The following TRPM7 variants were observed in gnomAD, a reference collection of about 807,000 sequenced individuals.
TRPM7 encodes LTRPC ion channel family member 7.
TRPM7 carries 134 observed loss-of-function variants against 229.7 expected under a neutral mutation model. That is an observed-to-expected ratio of 0.58 (90% CI 0.51 to 0.67). The LOEUF (loss-of-function observed/expected upper bound fraction) is 0.67, where lower values mean the gene tolerates loss of function less well. Ranked by LOEUF, TRPM7 falls within the 30% of genes least tolerant of loss-of-function variation. TRPM7 has a pLI of 0.00. For synonymous variants in TRPM7, 699 were observed against 715.2 expected (o/e 0.98, Z 0.36); for missense variants, 1,901 against 2,210.0 (o/e 0.86, Z 2.80).
intron 31 of TRPM7, among the ~76,000 whole-genome samples, chr15:50,578,402 G>A (rs1350770515): frequency 6.6e-6 from 1 of 152,184 alleles, no homozygotes; most frequent in African/African-American, 2.4e-5. Flanking sequence ...CTGTATAGCA[G>A]AGACCAAGTA....
chr15:50,611,421 C>T (rs1201311951), intron 16 of TRPM7, 100 bp from the exon 17 acceptor site: 2 of 850,040 alleles, frequency 2.4e-6, no homozygotes, highest in East Asian at 5.3e-5. Context: ...TTAATATTCT[C>T]ACACACACTT....
intron 1 of TRPM7, among the ~76,000 whole-genome samples, chr15:50,680,500 C>T (rs1596355987): frequency 6.6e-6 from 1 of 151,290 alleles, no homozygotes; most frequent in Non-Finnish European, 1.5e-5. Context: ...ACCCGGGAGG[C>T]GGAGTCTGCA....
At chr15:50,619,630 CTG>C (rs2060330829) in intron 13 of TRPM7, 113 bp downstream of exon 13, 1 of 890,896 alleles carries the variant, frequency 1.1e-6, no homozygotes, top group Non-Finnish European at 1.7e-6. Flanking sequence ...GTTCTGTAAA[CTG>C]TAATTTTATT....
In TRPM7 at chr15:50,611,144, T is replaced by C. The variant is rs2060052708; in HGVS notation, c.2229A>G (p.Leu743=). ...FVAHTCTQML[L]SDMWMGRLNM... ...TCAGCCTTCCCATCCACATATCAGA[T>C]AACAACATTTGTGTACAGGTGTGAG... The change falls in exon 17 of 39, where the codon TTA becomes TTG. Residue 743 remains leucine, a synonymous_variant. Transcript: ENST00000646667. 6.2e-7 allele frequency: 1 copy of C among 1,613,950 alleles called. No homozygotes were observed. Among genetic ancestry groups the C allele is most frequent in the Non-Finnish European group, 8.5e-7 (1 of 1,179,898 alleles).
chr15:50,614,218 G>A lies in TRPM7; in HGVS notation c.1540C>T (p.Leu514Phe), dbSNP rs2060148714. Residue 514 changes from leucine to phenylalanine, a missense_variant, in exon 14 of 39, where the codon CTT (leucine) becomes TTT (phenylalanine). By Grantham distance (22) the Leu-to-Phe change is conservative. Transcript: ENST00000646667. ...CCTCCCATGAGATATTCAATAACAA[G>A]TCCTATATCAATCAGAGTGATCTTA... ...GYKITLIDIG[L>F]VIEYLMGGTY... The A allele has an allele frequency of 3.7e-6, 6 of 1,611,534 alleles. No individual in the cohort carries two copies. The highest frequency in any genetic ancestry group is 5.1e-6 in the Non-Finnish European group (6 of 1,178,868).
chr15:50,578,555 T>C (rs2054247836), intron 31 of TRPM7, 84 bp downstream of exon 31: 7 of 1,375,368 alleles, frequency 5.1e-6, no homozygotes, highest in Non-Finnish European at 7.2e-6. Context: ...CTAAAATATC[T>C]TACCTAGAAT....
At chr15:50,679,526 ATATATATATATATTTTT>A (rs1567129375) in intron 1 of TRPM7, among the ~76,000 whole-genome samples, 3 of 46,196 alleles carry the variant, frequency 6.5e-5, no homozygotes, top group African/African-American at 3.4e-4. Context: ...ATATATATAT[ATATATATATATATTTTT>A]TTTTTTTTTT....
At chr15:50,566,249 TAAACA>T (rs2053593279) in intron 38 of TRPM7, among the ~76,000 whole-genome samples, 1 of 152,126 alleles carries the variant, frequency 6.6e-6, no homozygotes, top group Admixed American at 6.6e-5. Context: ...ATTTAAGAAC[TAAACA>T]AGACAATCCA....
intron 13 of TRPM7, among the ~76,000 whole-genome samples, chr15:50,619,122 G>C (rs1486020886): frequency 6.6e-6 from 1 of 151,270 alleles, no homozygotes; most frequent in Non-Finnish European, 1.5e-5. Flanking sequence ...GAAGATAGAG[G>C]AAAAAAGATA....
chr15:50,611,478 A>C (rs1406849977), intron 16 of TRPM7, among the ~76,000 whole-genome samples, 157 bp from the exon 17 acceptor site: 4 of 152,224 alleles, frequency 2.6e-5, no homozygotes, highest in Non-Finnish European at 5.9e-5. Context: ...TCAGACATCT[A>C]CATCTATGTG....
Position 50,613,840 on chromosome 15 carries a change from C to T in TRPM7, c.1637G>A (p.Arg546Lys). The change falls in exon 15 of 39, where the codon AGG becomes AAG. Residue 546 changes from arginine (R) to lysine (K), a missense_variant and splice_region_variant. Around this residue, in one of 8 missense-constraint regions of TRPM7, gnomAD observed 794 missense variants for 881.9 expected, o/e 0.90. Coordinates refer to ENST00000646667, the MANE Select transcript of TRPM7 (RefSeq NM_017672.6). ...IYNSLGGNNR[R>K]SGRNTSSSTP... is the part of the protein sequence containing the mutation. The stretch of plus-strand genomic sequence containing the variant: ...GCTGCTGGAGGTATTTCGGCCAGAC[C>T]TCTGAAAATGAGATCTTATTAGCTT... 6.2e-7 allele frequency: 1 copy of T among 1,605,696 alleles called. No individual in the cohort carries two copies. Among genetic ancestry groups the T allele is most frequent in the South Asian group, 1.1e-5 (1 of 88,672 alleles).
Position 50,586,487 on chromosome 15 carries a change from T to G in TRPM7, c.4391A>C (p.Asn1464Thr). 1 of 1,598,998 alleles carries G rather than the reference T, an allele frequency of 6.3e-7. No homozygotes were observed. The highest frequency in any genetic ancestry group is 8.6e-7 in the Non-Finnish European group (1 of 1,166,824). Residue 1464 changes from asparagine (N) to threonine (T), a missense_variant and splice_region_variant, in exon 28 of 39, where the codon AAT (asparagine) becomes ACT (threonine). Coordinates refer to ENST00000646667, the MANE Select transcript of TRPM7 (RefSeq NM_017672.6). ...ETSNKIKILS[N>T]NNTSENTLKR... ...CAAAGTGTTTTCAGAAGTATTGTTA[T>G]TCTGCAAATATTGTGCAGACATATA...
In TRPM7 at chr15:50,569,846, C is replaced by T. The variant is rs114188943; in HGVS notation, c.5467+41G>A. The T allele has an allele frequency of 3.3e-4, 459 of 1,371,594 alleles. 1 individual carries two copies. In the African/African-American group the frequency reaches 4.9e-3, roughly 15 times the overall value. 85.0% of individuals were successfully genotyped at this position (1,371,594 alleles called of 1,614,324 possible). A position where few individuals can be genotyped will look rare whatever the true frequency, so the allele number is the denominator to read the frequency against. ...ATGAGGTATTGTAGTAACCAAGTTT[C>T]GTAACAATTTATATACTATACTGAT... On this transcript the variant is annotated intron_variant, in intron 38 of 38. Transcript: ENST00000646667.
chr15:50,673,380 C>A (rs190057259), intron 1 of TRPM7, among the ~76,000 whole-genome samples: 55 of 152,250 alleles, frequency 3.6e-4, no homozygotes, highest in Admixed American at 2.8e-3. Context: ...CCGACCGGTA[C>A]ACACTGCACC....
At chr15:50,561,888 T>A in intron 38 of TRPM7, 80 bp from the exon 39 acceptor site, 1 of 1,335,654 alleles carries the variant, frequency 7.5e-7, no homozygotes, top group Non-Finnish European at 1.0e-6. Flanking sequence ...AAATGGAGAA[T>A]TAGGAACCTT....
In TRPM7 at chr15:50,686,641, C is replaced by T; in HGVS notation, c.-108G>A. The T allele has an allele frequency of 6.7e-7, 1 of 1,490,176 alleles. No individual in the cohort carries two copies. Among genetic ancestry groups the T allele is most frequent in the Non-Finnish European group, 9.0e-7 (1 of 1,107,202 alleles). The allele number at this position is 1,490,176 out of a possible 1,614,324, so 92.3% of individuals were successfully genotyped here. On this transcript the variant is annotated 5_prime_UTR_variant, in exon 1 of 39. Transcript: ENST00000646667. Reference sequence around the variant, plus strand: ...CTCCGGAGGCGGCAGCAGAGGCCGCCGGACAAGGAACGCCCAGGGAAACCT... The same window carrying T: ...CTCCGGAGGCGGCAGCAGAGGCCGCTGGACAAGGAACGCCCAGGGAAACCT...
rs752620314 is a variant in TRPM7, at chr15:50,575,889, T to C, written c.4649A>G (p.Asp1550Gly). ...GLTSPFKPAMDTNYYYSAVER... is the reference protein window; with the variant it reads ...GLTSPFKPAMGTNYYYSAVER... The stretch of plus-strand genomic sequence containing the variant: ...CTGACCTGAATAATAGTAATTTGTA[T>C]CCATAGCTGGCTTAAATGGAGAAGT... The change falls in exon 32 of 39, where the codon GAT (aspartate) becomes GGT (glycine). Residue 1550 changes from aspartate (D) to glycine (G), a missense_variant. Coordinates refer to ENST00000646667, the MANE Select transcript of TRPM7 (RefSeq NM_017672.6). 2 of 1,613,468 alleles carry C rather than the reference T, an allele frequency of 1.2e-6. No individual in the cohort carries two copies. Among genetic ancestry groups the C allele is most frequent in the Non-Finnish European group, 1.7e-6 (2 of 1,179,730 alleles).
intron 1 of TRPM7, 135 bp downstream of exon 1, chr15:50,686,396 C>A: frequency 6.8e-7 from 1 of 1,465,276 alleles, no homozygotes; most frequent in East Asian, 2.4e-5. Context: ...GAGGACAAAT[C>A]CGGAAGCCTC....
At chr15:50,642,541 T>G (rs1029048036) in intron 5 of TRPM7, among the ~76,000 whole-genome samples, 1 of 152,204 alleles carries the variant, frequency 6.6e-6, no homozygotes, top group Admixed American at 6.5e-5. Flanking sequence ...TCTCCCAAGA[T>G]CTGATGGCTT....
Sources: gnomAD v4.1 joint callset for allele counts (sites outside exome capture counted in the v4.1 genomes callset) on GRCh38, gnomAD v4.1.1 for gene constraint, gnomAD v4.1.1 regional missense constraint, MANE v1.5 for transcripts, NCBI Gene and HGNC (gene_info 2026-07-23, HGNC 2026-07-21) for gene names.